The following RFC5 variants were observed in gnomAD, a reference collection of about 807,000 sequenced individuals.
RFC5 encodes the protein A1 36 kDa subunit.
In RFC5, 26 loss-of-function variants were observed where a neutral mutation model predicts 44.3. That is an observed-to-expected ratio of 0.59 (90% CI 0.43 to 0.81). The LOEUF (loss-of-function observed/expected upper bound fraction) is 0.81, where lower values mean the gene tolerates loss of function less well. Ranked by LOEUF, RFC5 falls within the 40% of genes least tolerant of loss-of-function variation. The probability of loss-of-function intolerance (pLI) is 0.00; values close to 1 mark genes in which losing one functional copy is unlikely to be tolerated. For synonymous variants in RFC5, 155 were observed against 155.2 expected, an observed-to-expected ratio of 1.00 and a Z score of 0.01; for missense variants, 328 against 418.6, an observed-to-expected ratio of 0.78 and a Z score of 1.89.
In RFC5 at chr12:118,031,145, G is replaced by A. The variant is rs765940264; in HGVS notation, c.927-37G>A. The A allele has an allele frequency of 4.2e-6, 6 of 1,437,988 alleles. No individual in the cohort carries two copies. The East Asian group carries it at 6.8e-5, about 16-fold the overall frequency. 89.1% of individuals were successfully genotyped at this position (1,437,988 alleles called of 1,614,324 possible). On this transcript the variant is annotated intron_variant, in intron 10 of 10. Coordinates refer to ENST00000454402, the MANE Select transcript of RFC5 (RefSeq NM_007370.7). ...CCTTAAGAAAAGGCAGCTGTGTTTG[G>A]TGTCTTTTTTCTTACCCTGTGTTTG...
intron 6 of RFC5, 194 bp from the exon 7 acceptor site, chr12:118,025,552 TG>T (rs2030877624): frequency 2.0e-6 from 1 of 503,710 alleles, no homozygotes. Context: ...TGGTTGGCTG[TG>T]ACTACTAATG....
chr12:118,040,437 C>T, the RFC5 span, among the ~76,000 whole-genome samples: 1 of 152,054 alleles, frequency 6.6e-6, no homozygotes, highest in African/African-American at 2.4e-5. Context: ...TGGCAAGCTG[C>T]CTCAGTACAC....
chr12:118,038,513 C>G, the RFC5 span: 1 of 749,646 alleles, frequency 1.3e-6, no homozygotes, highest in South Asian at 1.9e-5. Flanking sequence ...CAGCTGGGCC[C>G]AAGGGTCCAA....
chr12:118,037,612 A>G (rs1183908727), downstream of RFC5, among the ~76,000 whole-genome samples: 9 of 151,456 alleles, frequency 5.9e-5, no homozygotes, highest in Admixed American at 3.9e-4. Context: ...AGGTTGCAGT[A>G]AGCCGAGATT....
chr12:118,038,223 A>C, the RFC5 span: 2 of 1,479,762 alleles, frequency 1.4e-6, no homozygotes, highest in Non-Finnish European at 1.8e-6. Flanking sequence ...ACACTCACAC[A>C]CACCAGGCCA....
downstream of RFC5, chr12:118,034,787 A>T: frequency 1.7e-6 from 1 of 582,734 alleles, no homozygotes; most frequent in Non-Finnish European, 3.0e-6. Context: ...ACAGATCTTT[A>T]ATTACATTTA....
chr12:118,029,726 A>T, intron 9 of RFC5, 45 bp from the exon 10 acceptor site: 1 of 1,307,732 alleles, frequency 7.6e-7, no homozygotes, highest in Non-Finnish European at 1.1e-6. Flanking sequence ...GGGTTTTTTG[A>T]CAGTAGAGAG....
chr12:118,022,487 C>A, intron 5 of RFC5, 128 bp downstream of exon 5: 1 of 649,258 alleles, frequency 1.5e-6, no homozygotes, highest in South Asian at 1.9e-5. Flanking sequence ...TTTTTTGAGT[C>A]AGAGTCTTGC....
At chr12:118,017,818 G>C (rs938537847) in intron 1 of RFC5, 3 of 673,042 alleles carry the variant, frequency 4.5e-6, no homozygotes, top group Non-Finnish European at 8.1e-6. Flanking sequence ...TTTTAGAGGC[G>C]AGCTACCAAG....
intron 5 of RFC5, 150 bp from the exon 6 acceptor site, chr12:118,024,700 TA>T: frequency 1.5e-6 from 1 of 657,620 alleles, no homozygotes. Flanking sequence ...CGTGAGCCAC[TA>T]AGCCACTACG....
chr12:118,034,035 T>G (rs1404718737), downstream of RFC5: 1 of 935,826 alleles, frequency 1.1e-6, no homozygotes, highest in South Asian at 1.7e-5. Context: ...GAGAGAAAGA[T>G]CCATGACTAG....
At chr12:118,022,053 C>T (rs2030536292) in intron 4 of RFC5, among the ~76,000 whole-genome samples, 1 of 152,120 alleles carries the variant, frequency 6.6e-6, no homozygotes. Context: ...GTGAAGATGC[C>T]AGAGGACACA....
intron 7 of RFC5, among the ~76,000 whole-genome samples, 164 bp from the exon 8 acceptor site, chr12:118,026,725 G>A (rs1393809669): frequency 5.9e-5 from 9 of 152,244 alleles, no homozygotes; most frequent in African/African-American, 2.2e-4. Flanking sequence ...CTCTGATGAG[G>A]TGACTCTTCC....
At chr12:118,024,178 A>G (rs537555750) in intron 5 of RFC5, among the ~76,000 whole-genome samples, 1 of 151,934 alleles carries the variant, frequency 6.6e-6, no homozygotes, top group Non-Finnish European at 1.5e-5. Context: ...CGTCTCTACT[A>G]AAAATATAAA....
In RFC5 at chr12:118,024,687, A is replaced by G. The variant is rs376993077; in HGVS notation, c.422-164A>G. ...CAGCCTCCCAAAGTGCTGGGATTACAGACGTGAGCCACTAAGCCACTACGC... is the reference window on the plus strand; with the variant it reads ...CAGCCTCCCAAAGTGCTGGGATTACGGACGTGAGCCACTAAGCCACTACGC... On this transcript the variant is annotated intron_variant, in intron 5 of 10. Coordinates refer to ENST00000454402, the MANE Select transcript of RFC5 (RefSeq NM_007370.7). The G allele has an allele frequency of 1.2e-3, 709 of 600,950 alleles. 13 individuals are homozygous for G. In the South Asian group the frequency reaches 0.014, roughly 12 times the overall value. 37.2% of individuals were successfully genotyped at this position (600,950 alleles called of 1,614,324 possible). A position where few individuals can be genotyped will look rare whatever the true frequency, so the allele number is the denominator to read the frequency against.
At chr12:118,025,548 G>T in intron 6 of RFC5, 199 bp from the exon 7 acceptor site, 1 of 500,204 alleles carries the variant, frequency 2.0e-6, no homozygotes, top group Middle Eastern at 5.4e-4. Context: ...ATTTTGGTTG[G>T]CTGTGACTAC....
At chr12:118,026,372 G>A (rs1233826462) in intron 7 of RFC5, among the ~76,000 whole-genome samples, 1 of 152,118 alleles carries the variant, frequency 6.6e-6, no homozygotes, top group African/African-American at 2.4e-5. Flanking sequence ...GGATGCCGAG[G>A]GAGGTGGATT....
At chr12:118,038,224 C>T in the RFC5 span, 2 of 1,499,630 alleles carry the variant, frequency 1.3e-6, no homozygotes, top group Non-Finnish European at 1.8e-6. Context: ...CACTCACACA[C>T]ACCAGGCCAC....
chr12:118,035,813 A>G (rs2031496955), downstream of RFC5: 1 of 165,340 alleles, frequency 6.0e-6, no homozygotes, highest in Non-Finnish European at 1.3e-5. Flanking sequence ...AGGCTTCATA[A>G]TGCTGATTCC....
Sources: gnomAD v4.1 joint callset for allele counts (sites outside exome capture counted in the v4.1 genomes callset) on GRCh38, gnomAD v4.1.1 for gene constraint, MANE v1.5 for transcripts, NCBI Gene and HGNC (gene_info 2026-07-23, HGNC 2026-07-21) for gene names.